The following ZZZ3 variants were observed in gnomAD, a reference collection of about 807,000 sequenced individuals.
The protein encoded by ZZZ3 is zinc finger ZZ-type containing 3.
Under a neutral mutation model 95.2 loss-of-function variants are expected in ZZZ3, and 22 were observed. The observed-to-expected ratio is 0.23, with a 90% CI of 0.17 to 0.33. The LOEUF (loss-of-function observed/expected upper bound fraction) is 0.33, where lower values mean the gene tolerates loss of function less well. Among genes scored for constraint, ZZZ3 ranks in the 10% least tolerant of loss-of-function variants. The pLI is 1.00. For synonymous variants in ZZZ3, 335 were observed against 358.9 expected (o/e 0.93, Z 0.75); for missense variants, 885 against 1,066.5 (o/e 0.83, Z 2.37).
Position 77,632,356 on chromosome 1 carries a change from T to C in ZZZ3, c.999A>G (p.Glu333=). 6.2e-7 allele frequency: 1 copy of C among 1,614,150 alleles called. No individual in the cohort carries two copies. Among genetic ancestry groups the C allele is most frequent in the Non-Finnish European group, 8.5e-7 (1 of 1,180,008 alleles). Reference sequence around the variant, plus strand: ...TTGTGTCCAGTTCGTTATTGGTGTTTTCTTTACACTGCTCTTTTGAGGCAC... The same window carrying C: ...TTGTGTCCAGTTCGTTATTGGTGTTCTCTTTACACTGCTCTTTTGAGGCAC... ...DSSASKEQCK[E]NTNNELDTSL... The change falls in exon 5 of 15, where the codon GAA becomes GAG. Residue 333 remains glutamate (E), a synonymous_variant. Transcript: ENST00000370801.
chr1:77,599,893 T>G (rs1664568905), intron 5 of ZZZ3, among the ~76,000 whole-genome samples: 1 of 152,152 alleles, frequency 6.6e-6, no homozygotes, highest in African/African-American at 2.4e-5. Flanking sequence ...CAAAAAGTCT[T>G]CATTATATAT....
intron 5 of ZZZ3, among the ~76,000 whole-genome samples, chr1:77,616,727 G>A (rs913834001): frequency 2.6e-5 from 4 of 152,098 alleles, no homozygotes; most frequent in Non-Finnish European, 4.4e-5. Flanking sequence ...TTAGCCGGGG[G>A]TGGTGGCACC....
At position 77,632,442 on chromosome 1, in the gene ZZZ3, A is replaced by C; in HGVS notation, c.913T>G (p.Ser305Ala). The change falls in exon 5 of 15, where the codon TCT (serine) becomes GCT (alanine). Residue 305 changes from serine (S) to alanine (A), a missense_variant. Ser to Ala is a moderately conservative substitution (Grantham distance 99, BLOSUM62 1). Around this residue, in one of 5 missense-constraint regions of ZZZ3, gnomAD observed 556 missense variants for 652.9 expected, o/e 0.85. Transcript: ENST00000370801. ...LTTEPATGPF[S>A]ETQSSLRDSE... ...TCCCTTAAAGATGACTGAGTTTCAG[A>C]AAAGGGCCCTGTAGCTGGCTCAGTA... 1 of 1,614,124 alleles carries C rather than the reference A, an allele frequency of 6.2e-7. No homozygotes were observed. Among genetic ancestry groups the C allele is most frequent in the Non-Finnish European group, 8.5e-7 (1 of 1,180,010 alleles).
intron 5 of ZZZ3, among the ~76,000 whole-genome samples, chr1:77,616,058 C>G (rs1280984235): frequency 6.6e-6 from 1 of 152,090 alleles, no homozygotes; most frequent in Non-Finnish European, 1.5e-5. Flanking sequence ...TTATTTTTAT[C>G]TAATAATTTG....
intron 1 of ZZZ3, among the ~76,000 whole-genome samples, chr1:77,658,994 G>A (rs745600082): frequency 2.6e-5 from 4 of 152,042 alleles, no homozygotes; most frequent in African/African-American, 9.7e-5. Flanking sequence ...CGAGGCAGGC[G>A]GATCACCTGA....
At chr1:77,658,405 G>A (rs1326042743) in intron 1 of ZZZ3, among the ~76,000 whole-genome samples, 2 of 151,860 alleles carry the variant, frequency 1.3e-5, no homozygotes, top group Admixed American at 6.6e-5. Context: ...GCAATGGGGA[G>A]ATCACTGTTC....
intron 5 of ZZZ3, chr1:77,584,892 T>C: frequency 7.0e-6 from 2 of 286,610 alleles, no homozygotes; most frequent in Non-Finnish European, 1.3e-5. Context: ...TTTTAATTCT[T>C]GAACCTGAAC....
chr1:77,683,243 G>A (rs1288211403), upstream of ZZZ3: 1 of 141,776 alleles, frequency 7.1e-6, no homozygotes, highest in East Asian at 2.1e-4. Context: ...CTCACCACGT[G>A]TCCCGAGCTC....
At chr1:77,588,904 A>G (rs1663373531) in intron 5 of ZZZ3, among the ~76,000 whole-genome samples, 2 of 152,250 alleles carry the variant, frequency 1.3e-5, no homozygotes, top group Non-Finnish European at 2.9e-5. Context: ...CTTTTGAGAC[A>G]GGGAGTCGCT....
At chr1:77,589,436 ATTTATT>A (rs1663441678) in intron 5 of ZZZ3, among the ~76,000 whole-genome samples, 1 of 150,672 alleles carries the variant, frequency 6.6e-6, no homozygotes, top group Non-Finnish European at 1.5e-5. Flanking sequence ...TTATTTATTT[ATTTATT>A]TATTTATTTA....
chr1:77,583,863 T>C (rs1222088779), intron 6 of ZZZ3, among the ~76,000 whole-genome samples: 5 of 152,144 alleles, frequency 3.3e-5, no homozygotes, highest in Non-Finnish European at 5.9e-5. Context: ...ATCAAGATCA[T>C]CTCCATATTT....
intron 1 of ZZZ3, among the ~76,000 whole-genome samples, chr1:77,653,506 C>A (rs1168144603): frequency 1.3e-5 from 2 of 152,146 alleles, no homozygotes; most frequent in African/African-American, 4.8e-5. Flanking sequence ...GTAATCCCAA[C>A]ACTTTGTGAG....
At chr1:77,670,746 T>A (rs1463010959) in intron 1 of ZZZ3, among the ~76,000 whole-genome samples, 9 of 146,248 alleles carry the variant, frequency 6.2e-5, no homozygotes, top group African/African-American at 1.3e-4. Flanking sequence ...TGTTTTTTTT[T>A]AAACAAAACA....
intron 5 of ZZZ3, among the ~76,000 whole-genome samples, chr1:77,597,929 T>C (rs566756013): frequency 2.0e-5 from 3 of 152,262 alleles, no homozygotes; most frequent in African/African-American, 7.2e-5. Flanking sequence ...ACCATACTAC[T>C]GTAAGATAGT....
At chr1:77,670,132 CA>C (rs1258178365) in intron 1 of ZZZ3, among the ~76,000 whole-genome samples, 1 of 148,952 alleles carries the variant, frequency 6.7e-6, no homozygotes, top group African/African-American at 2.5e-5. Context: ...TATTATCAAG[CA>C]AATCTCCATG....
At chr1:77,624,661 T>C (rs1570541487) in intron 5 of ZZZ3, among the ~76,000 whole-genome samples, 1 of 152,196 alleles carries the variant, frequency 6.6e-6, no homozygotes, top group East Asian at 1.9e-4. Context: ...CGAAATATCC[T>C]TTGTAATTAA....
chr1:77,666,650 C>T (rs1671277350), intron 1 of ZZZ3, among the ~76,000 whole-genome samples: 1 of 152,212 alleles, frequency 6.6e-6, no homozygotes, highest in Admixed American at 6.5e-5. Flanking sequence ...CACTGACCAT[C>T]TCCCATGAAC....
At chr1:77,578,629 C>G (rs1662201720) in intron 11 of ZZZ3, 145 bp downstream of exon 11, 2 of 415,514 alleles carry the variant, frequency 4.8e-6, no homozygotes, top group Non-Finnish European at 8.2e-6. Flanking sequence ...CCTTACCCTC[C>G]ACTTTTGCAC....
rs555110261 is a variant in ZZZ3 at position 77,632,952 on chromosome 1, A to T, written c.403T>A (p.Ser135Thr). 6.2e-7 allele frequency: 1 copy of T among 1,614,104 alleles called. No individual in the cohort carries two copies. Among genetic ancestry groups the T allele is most frequent in the Non-Finnish European group, 8.5e-7 (1 of 1,180,014 alleles). ...GACTCCTTGTCTGATTTTATAGGAG[A>T]ATCTTCTTCTGAACTGTTTGGTGCT... Reference protein sequence around the residue: ...SEAPNSSEEDSPIKSDKESVE... With the variant: ...SEAPNSSEEDTPIKSDKESVE... Residue 135 changes from serine (S) to threonine (T), a missense_variant, in exon 5 of 15, where the codon TCT (serine) becomes ACT (threonine). This residue lies in a region of ZZZ3 where 556 missense variants were observed against 652.9 expected (regional missense o/e 0.85). Coordinates refer to ENST00000370801, the MANE Select transcript of ZZZ3 (RefSeq NM_015534.6).
Sources: allele counts gnomAD v4.1 joint callset (sites outside exome capture counted in the v4.1 genomes callset), GRCh38; gene constraint gnomAD v4.1.1; regional missense constraint gnomAD v4.1.1; transcripts MANE v1.5; gene names NCBI Gene and HGNC (gene_info 2026-07-23, HGNC 2026-07-21).